Variants in RAB12 observed in about 807,000 individuals in gnomAD.
The protein encoded by RAB12 is RAB12, member RAS oncogene family.
In RAB12, 11 loss-of-function variants were observed where a neutral mutation model predicts 28.4. The observed-to-expected ratio is 0.39, with a 90% CI of 0.24 to 0.64. The LOEUF is 0.64. RAB12 is among the 30% of genes least tolerant of loss of function. The pLI, the probability that RAB12 is intolerant of heterozygous loss-of-function variation, is 0.50. For synonymous variants in RAB12, 138 were observed against 145.3 expected, an observed-to-expected ratio of 0.95 and a Z score of 0.36; for missense variants, 276 against 351.1, an observed-to-expected ratio of 0.79 and a Z score of 1.71.
At chr18:8,627,010 T>C (rs1332039905) in intron 2 of RAB12, among the ~76,000 whole-genome samples, 1 of 152,256 alleles carries the variant, frequency 6.6e-6, no homozygotes, top group Non-Finnish European at 1.5e-5. Flanking sequence ...ATACTCAAAA[T>C]AAGATTTTTA....
chr18:8,627,464 G>A (rs1167823189), intron 2 of RAB12, among the ~76,000 whole-genome samples: 2 of 152,138 alleles, frequency 1.3e-5, no homozygotes, highest in African/African-American at 2.4e-5. Flanking sequence ...TTTACGTCAC[G>A]TTTTATGTCA....
At chr18:8,636,669 G>A (rs531256384) in intron 5 of RAB12, among the ~76,000 whole-genome samples, 5 of 152,280 alleles carry the variant, frequency 3.3e-5, no homozygotes, top group East Asian at 1.9e-4. Flanking sequence ...TCCCACCCCC[G>A]TTTTTCTGTG....
chr18:8,631,431 T>G (rs141846348), intron 2 of RAB12, among the ~76,000 whole-genome samples: 221 of 152,250 alleles, frequency 1.5e-3, no homozygotes, highest in African/African-American at 5.2e-3. Context: ...AGAAGCCAAG[T>G]CATGGGGCCA....
intron 1 of RAB12, among the ~76,000 whole-genome samples, chr18:8,612,620 G>T (rs1213895124): frequency 6.6e-6 from 1 of 152,210 alleles, no homozygotes; most frequent in Non-Finnish European, 1.5e-5. Context: ...TGGTAGTATT[G>T]TCTAATTCCT....
intron 2 of RAB12, among the ~76,000 whole-genome samples, chr18:8,629,936 T>C (rs775250675): frequency 6.6e-6 from 1 of 152,218 alleles, no homozygotes; most frequent in Non-Finnish European, 1.5e-5. Context: ...AGCTAAATCA[T>C]AGATGGTCTT....
chr18:8,610,011 C>G, intron 1 of RAB12, 58 bp downstream of exon 1: 1 of 1,363,772 alleles, frequency 7.3e-7, no homozygotes. Flanking sequence ...AGGTGCCCTT[C>G]GCCCCGTGGG....
chr18:8,617,953 A>G (rs1440168421), intron 1 of RAB12, among the ~76,000 whole-genome samples: 1 of 152,242 alleles, frequency 6.6e-6, no homozygotes, highest in Non-Finnish European at 1.5e-5. Flanking sequence ...ATTATCTGAA[A>G]TATAGCAAAC....
chr18:8,610,116 C>T (rs2096002871), intron 1 of RAB12, 163 bp downstream of exon 1: 2 of 557,256 alleles, frequency 3.6e-6, no homozygotes, highest in Non-Finnish European at 6.3e-6. Context: ...CATCCCAATC[C>T]CAAAGCCTGG....
intron 1 of RAB12, among the ~76,000 whole-genome samples, chr18:8,620,865 G>A (rs1238525803): frequency 6.6e-6 from 1 of 152,196 alleles, no homozygotes; most frequent in African/African-American, 2.4e-5. Context: ...AAAGGTGGGT[G>A]CAGTCAGAAG....
In RAB12 at chr18:8,620,181, C is replaced by T. The variant is rs1391969922; in HGVS notation, c.515-4757C>T. On this transcript the variant is annotated intron_variant, in intron 1 of 5. Coordinates refer to ENST00000649141, the MANE Select transcript of RAB12 (RefSeq NM_001025300.3). ...TTTTTGCTTCAAAAAAAAAAAAAGA[C>T]TGACTTAAACAGAGCAGTCTAAGAC... 5.3e-5 allele frequency among the ~76,000 whole-genome samples: 3 copies of T among 56,914 alleles called. No homozygotes were observed. In the East Asian group the frequency reaches 1.7e-3, roughly 31 times the overall value. 37.3% of individuals were successfully genotyped at this position (56,914 alleles called of 152,430 possible).
In RAB12 at chr18:8,638,342, C is replaced by A; in HGVS notation, c.*80C>A. ...CTATTCTGCACTACAATCATTTTGA[C>A]AATTTCCTTTCGCACTTTGTAATCC... On this transcript the variant is annotated 3_prime_UTR_variant, in exon 6 of 6. Coordinates refer to ENST00000649141, the MANE Select transcript of RAB12 (RefSeq NM_001025300.3). 1.0e-6 allele frequency: 1 copy of A among 995,102 alleles called. No homozygotes were observed. The highest frequency in any genetic ancestry group is 1.6e-6 in the Non-Finnish European group (1 of 639,806). The allele number at this position is 995,102 out of a possible 1,614,324, so 61.6% of individuals were successfully genotyped here. A position where few individuals can be genotyped will look rare whatever the true frequency, so the allele number is the denominator to read the frequency against.
intron 5 of RAB12, 128 bp from the exon 6 acceptor site, chr18:8,638,021 G>A (rs888327776): frequency 3.2e-6 from 2 of 617,544 alleles, no homozygotes; most frequent in Non-Finnish European, 5.7e-6. Context: ...GGAGAGGCAG[G>A]TGAAACTTGT....
chr18:8,632,795 T>G lies in RAB12; in HGVS notation c.576-394T>G, dbSNP rs147329962. On this transcript the variant is annotated intron_variant, in intron 2 of 5. Coordinates refer to ENST00000649141, the MANE Select transcript of RAB12 (RefSeq NM_001025300.3). ...ACCTACAATGTGAATTCTTAGGGAT[T>G]GATTGTTTGGAAACTCTGTATTTTA... 5.4e-3 allele frequency: 1,268 copies of G among 236,854 alleles called. 5 individuals are homozygous for G. The highest frequency in any genetic ancestry group is 7.5e-3 in the Non-Finnish European group (921 of 123,192). 14.7% of individuals were successfully genotyped at this position (236,854 alleles called of 1,614,324 possible).
At chr18:8,617,172 T>G (rs1298131135) in intron 1 of RAB12, among the ~76,000 whole-genome samples, 11 of 152,250 alleles carry the variant, frequency 7.2e-5, no homozygotes, top group Admixed American at 7.2e-4. Context: ...AGTTAAAATA[T>G]CTTACATGTC....
intron 1 of RAB12, among the ~76,000 whole-genome samples, chr18:8,623,489 A>C (rs1206755178): frequency 6.6e-6 from 1 of 152,234 alleles, no homozygotes; most frequent in Non-Finnish European, 1.5e-5. Flanking sequence ...GTGTTTTGTC[A>C]TTAAACTGTG....
intron 1 of RAB12, among the ~76,000 whole-genome samples, chr18:8,612,724 GCA>G (rs2096004529): frequency 1.3e-5 from 2 of 152,316 alleles, no homozygotes; most frequent in South Asian, 4.1e-4. Context: ...AGGCTGGAGT[GCA>G]GTGGTACGAT....
intron 1 of RAB12, among the ~76,000 whole-genome samples, chr18:8,619,225 A>G (rs893222445): frequency 6.6e-6 from 1 of 152,200 alleles, no homozygotes; most frequent in South Asian, 2.1e-4. Flanking sequence ...AACGAGGAGA[A>G]GTGACCTGGG....
chr18:8,627,250 G>A (rs1348324430), intron 2 of RAB12, among the ~76,000 whole-genome samples: 2 of 152,200 alleles, frequency 1.3e-5, no homozygotes, highest in African/African-American at 2.4e-5. Context: ...CATAGAAGGC[G>A]CCTGTGTAGC....
At chr18:8,634,174 TCACACCTGTAATCCCAGCAC>T (rs1567897364) in intron 3 of RAB12, among the ~76,000 whole-genome samples, 7 of 99,292 alleles carry the variant, frequency 7.0e-5, no homozygotes, top group Middle Eastern at 4.8e-3. Flanking sequence ...GCATGGTGAC[TCACACCTGTAATCCCAGCAC>T]TTTGGAAGGC....
Sources: gnomAD v4.1 joint callset for allele counts (sites outside exome capture counted in the v4.1 genomes callset) on GRCh38, gnomAD v4.1.1 for gene constraint, MANE v1.5 for transcripts, NCBI Gene and HGNC (gene_info 2026-07-23, HGNC 2026-07-21) for gene names.